PCDHGB2: variants seen among roughly 807,000 people sequenced by gnomAD.
PCDHGB2 encodes the protein protocadherin gamma-B2.
A neutral mutation model predicts 59.3 loss-of-function variants in PCDHGB2; 55 were observed. The observed-to-expected ratio is 0.93, with a 90% CI of 0.75 to 1.16. The LOEUF (loss-of-function observed/expected upper bound fraction) is 1.16. Among genes scored for constraint, PCDHGB2 ranks in the 50% most tolerant of loss-of-function variants. The pLI is 0.00. For missense variants in PCDHGB2, 1,228 were observed against 1,198.5 expected (o/e 1.02, Z -0.36); for synonymous variants, 516 against 512.0 (o/e 1.01, Z -0.11).
In PCDHGB2 at chr5:141,490,647, G is replaced by T; in HGVS notation, c.2422-4160G>T. 6.2e-7 allele frequency: 1 copy of T among 1,614,084 alleles called. No homozygotes were observed. Among genetic ancestry groups the T allele is most frequent in the Non-Finnish European group, 8.5e-7 (1 of 1,180,014 alleles). ...CTTACATCCTAGAAAACCGGCCTCCGGGCTCCCTTCTTTGCACTGTGGCTG... is the reference window on the plus strand; with the variant it reads ...CTTACATCCTAGAAAACCGGCCTCCTGGCTCCCTTCTTTGCACTGTGGCTG... On this transcript the variant is annotated intron_variant, in intron 1 of 3. Transcript: ENST00000522605. This position sits in a 1 kb window ranked among gnomAD's most constrained non-coding sequence, Gnocchi z 5.4.
chr5:141,422,330 C>A, intron 1 of PCDHGB2: 1 of 1,548,166 alleles, frequency 6.5e-7, no homozygotes. Flanking sequence ...ACAGTGATTG[C>A]TCTTCTAAAT....
At chr5:141,454,977 T>C (rs1357011192) in intron 1 of PCDHGB2, among the ~76,000 whole-genome samples, 6 of 151,508 alleles carry the variant, frequency 4.0e-5, no homozygotes, top group Non-Finnish European at 8.8e-5. Context: ...CTGGCTAATT[T>C]TTTAAAAAAT....
intron 1 of PCDHGB2, among the ~76,000 whole-genome samples, chr5:141,438,581 TACATAC>T (rs2097977343): frequency 4.0e-5 from 2 of 49,846 alleles, no homozygotes; most frequent in Non-Finnish European, 6.5e-5. Flanking sequence ...TATACATACA[TACATAC>T]ATACATATAT....
intron 1 of PCDHGB2, among the ~76,000 whole-genome samples, chr5:141,456,406 G>A (rs1038971451): frequency 2.0e-5 from 3 of 152,080 alleles, no homozygotes; most frequent in South Asian, 2.1e-4. Flanking sequence ...GCTTCTAGGC[G>A]AGAAGAAACA....
At chr5:141,381,826 C>CTTCTTTTTTTTTTTTTTT (rs1777532522) in intron 1 of PCDHGB2, among the ~76,000 whole-genome samples, 1 of 74,284 alleles carries the variant, frequency 1.3e-5, no homozygotes, top group African/African-American at 6.2e-5. Flanking sequence ...CTTTCTTCTT[C>CTTCTTTTTTTTTTTTTTT]TTTTTTTTTT....
In PCDHGB2 at chr5:141,485,053, G is replaced by A. The variant is rs555996081; in HGVS notation, c.2422-9754G>A. On this transcript the variant is annotated intron_variant, in intron 1 of 3. Coordinates refer to ENST00000522605, the MANE Select transcript of PCDHGB2 (RefSeq NM_018923.3). The surrounding 1 kb of genome is among the most constrained non-coding windows in gnomAD (Gnocchi z 5.7). ...GCGCGTAACCCTTGCGGCGCCGGCC[G>A]AACCGCGCCAGAGCTGGCGCGGGGA... 6.9e-5 allele frequency: 57 copies of A among 820,742 alleles called. 2 individuals carry two copies. In the South Asian group the frequency reaches 9.3e-4, roughly 13 times the overall value. 50.8% of individuals were successfully genotyped at this position (820,742 alleles called of 1,614,324 possible).
At chr5:141,422,206 G>C (rs1269700250) in intron 1 of PCDHGB2, 2 of 1,562,442 alleles carry the variant, frequency 1.3e-6, no homozygotes, top group East Asian at 4.5e-5. Context: ...AGATGGTGGA[G>C]GTCTCTTTAC....
chr5:141,423,170 A>T (rs755141371), intron 1 of PCDHGB2: 1 of 1,613,504 alleles, frequency 6.2e-7, no homozygotes, highest in South Asian at 1.1e-5. Flanking sequence ...GTGGCCGTCC[A>T]GGACCACGGC....
At position 141,403,568 on chromosome 5, in the gene PCDHGB2, ACTGCCCACCAC is replaced by A. The variant is rs758329896; in HGVS notation, c.2421+41016_2421+41026del. On this transcript the variant is annotated intron_variant, in intron 1 of 3. Coordinates refer to ENST00000522605, the MANE Select transcript of PCDHGB2 (RefSeq NM_018923.3). The stretch of plus-strand genomic sequence containing the variant: ...GCGCGCCCTGGACAGGGAGGAGGCA[ACTGCCCACCAC>A]CTGGTCCTCACGGCCTCGGATGGCG... The A allele has an allele frequency of 2.5e-6, 4 of 1,613,918 alleles. No individual in the cohort carries two copies. In the South Asian group the frequency reaches 4.4e-5, roughly 18 times the overall value.
chr5:141,437,956 T>A (rs998689841), intron 1 of PCDHGB2, among the ~76,000 whole-genome samples: 6 of 152,178 alleles, frequency 3.9e-5, no homozygotes, highest in African/African-American at 1.4e-4. Context: ...CAGAATGGTC[T>A]TGATCTCTTG....
In PCDHGB2 at chr5:141,403,112, C is replaced by CT. The variant is rs765071462; in HGVS notation, c.2421+40557dup. The CT allele has an allele frequency of 3.1e-6, 5 of 1,614,074 alleles. No individual in the cohort carries two copies. In the South Asian group the frequency reaches 5.5e-5, roughly 18 times the overall value. On this transcript the variant is annotated intron_variant, in intron 1 of 3. Transcript: ENST00000522605. Reference sequence around the variant, plus strand: ...GGGCAACATCTCCAAGGACCTGGCTCTGGAGCCCCGGGAGCTGGCGGAGCG... The same window carrying CT: ...GGGCAACATCTCCAAGGACCTGGCTCTTGGAGCCCCGGGAGCTGGCGGAGCG...
chr5:141,365,149 A>G, intron 1 of PCDHGB2: 1 of 1,613,978 alleles, frequency 6.2e-7, no homozygotes, highest in South Asian at 1.1e-5. Context: ...ATGAGGGAAT[A>G]AACGGGAAAT....
intron 1 of PCDHGB2, chr5:141,384,978 G>C (rs1394445835): frequency 6.2e-7 from 1 of 1,614,032 alleles, no homozygotes; most frequent in Non-Finnish European, 8.5e-7. Context: ...CGTTGTACCT[G>C]GTGGTGGCGG....
intron 1 of PCDHGB2, chr5:141,371,724 G>A (rs747047802): frequency 1.2e-6 from 2 of 1,614,056 alleles, no homozygotes; most frequent in South Asian, 2.2e-5. Flanking sequence ...GCACATCCTT[G>A]ATGTCAACGA....
intron 1 of PCDHGB2, among the ~76,000 whole-genome samples, chr5:141,483,767 T>C (rs2099586826): frequency 6.6e-6 from 1 of 151,840 alleles, no homozygotes; most frequent in Non-Finnish European, 1.5e-5. Flanking sequence ...CTTGGAAAAA[T>C]ATTGGGGAAG....
chr5:141,389,656 C>A (rs763730959), intron 1 of PCDHGB2: 18 of 1,612,420 alleles, frequency 1.1e-5, no homozygotes, highest in South Asian at 1.1e-5. Flanking sequence ...AAGGTAGTGG[C>A]GGTGGACGCA....
intron 1 of PCDHGB2, chr5:141,422,687 T>C: frequency 6.2e-7 from 1 of 1,604,936 alleles, no homozygotes; most frequent in Non-Finnish European, 8.5e-7. Flanking sequence ...CAGAATGCCC[T>C]GGTCACTTAC....
At position 141,489,094 on chromosome 5, in the gene PCDHGB2, G is replaced by GAAA. The variant is rs2154581134; in HGVS notation, c.2422-5711_2422-5710insAAA. On this transcript the variant is annotated intron_variant, in intron 1 of 3. Coordinates refer to ENST00000522605, the MANE Select transcript of PCDHGB2 (RefSeq NM_018923.3). The surrounding 1 kb of genome is among the most constrained non-coding windows in gnomAD (Gnocchi z 4.5). ...CCCACCCCCGCCACTCGGTGACTAA[G>GAAA]AACTGCTGCAAGCAGGCAAACCTCC... The GAAA allele has an allele frequency of 5.1e-6, 2 of 396,028 alleles. No homozygotes were observed. Among genetic ancestry groups the GAAA allele is most frequent in the South Asian group, 4.8e-5 (1 of 20,814 alleles). The allele number at this position is 396,028 out of a possible 1,614,324, so 24.5% of individuals were successfully genotyped here.
At chr5:141,404,616 A>G (rs940307932) in intron 1 of PCDHGB2, 3 of 1,614,168 alleles carry the variant, frequency 1.9e-6, no homozygotes, top group Non-Finnish European at 2.5e-6. Flanking sequence ...GTTTTGGACC[A>G]GAATGACAAT....
Sources: gnomAD v4.1 joint callset for allele counts (sites outside exome capture counted in the v4.1 genomes callset) on GRCh38, gnomAD v4.1.1 for gene constraint, Gnocchi (gnomAD v3.1) non-coding constraint, MANE v1.5 for transcripts, NCBI Gene and HGNC (gene_info 2026-07-23, HGNC 2026-07-21) for gene names.